SGCD: variants seen among roughly 807,000 people sequenced by gnomAD.
The protein encoded by SGCD is delta-sarcoglycan.
In SGCD, 18 loss-of-function variants were observed where a neutral mutation model predicts 36.6. The ratio of observed to expected loss-of-function variants is 0.49; its 90% CI spans 0.34 to 0.73. The LOEUF (loss-of-function observed/expected upper bound fraction) is 0.73, where lower values mean the gene tolerates loss of function less well. SGCD is among the 30% of genes least tolerant of loss of function. The pLI is 0.01. For missense variants in SGCD, 387 were observed against 346.7 expected, an observed-to-expected ratio of 1.12 and a Z score of -0.92; for synonymous variants, 133 against 130.6, an observed-to-expected ratio of 1.02 and a Z score of -0.12.
the SGCD span, among the ~76,000 whole-genome samples, chr5:155,825,749 T>TTG: frequency 6.6e-6 from 1 of 151,604 alleles, no homozygotes; most frequent in Non-Finnish European, 1.5e-5. Flanking sequence ...TTTGTTGTTG[T>TTG]TGTTGTTGTT....
intron 3 of SGCD, among the ~76,000 whole-genome samples, chr5:156,398,492 A>G (rs1771977909): frequency 6.6e-6 from 1 of 152,164 alleles, no homozygotes. Context: ...ATCCTAGAAA[A>G]CAAACTTCTT....
intron 1 of SGCD, among the ~76,000 whole-genome samples, chr5:155,937,980 G>A (rs552029518): frequency 3.9e-5 from 6 of 152,168 alleles, no homozygotes; most frequent in South Asian, 2.1e-4. Context: ...ATTTGAACCC[G>A]GCTTTGAAAG....
intron 3 of SGCD, among the ~76,000 whole-genome samples, chr5:156,357,281 G>A (rs1769540841): frequency 6.6e-6 from 1 of 152,192 alleles, no homozygotes; most frequent in Non-Finnish European, 1.5e-5. Flanking sequence ...AGAAACTGAA[G>A]CATAGAAGGC....
Position 156,525,354 on chromosome 5 carries a change from G to A in SGCD, c.294+16652G>A, listed in dbSNP as rs117739503. The stretch of plus-strand genomic sequence containing the variant: ...CTGAACACCTTTTCATATACCTGTT[G>A]GTCAGTTGTATGTCTTCTTTGGAAA... On this transcript the variant is annotated intron_variant, in intron 4 of 8. Coordinates refer to ENST00000337851, the MANE Select transcript of SGCD (RefSeq NM_000337.6). Among the ~76,000 whole-genome samples the A allele has an allele frequency of 2.6e-5, 4 of 152,098 alleles. No homozygotes were observed. In the South Asian group the frequency reaches 8.3e-4, roughly 32 times the overall value.
chr5:155,739,042 A>T, the SGCD span, among the ~76,000 whole-genome samples: 11 of 152,306 alleles, frequency 7.2e-5, no homozygotes, highest in Non-Finnish European at 1.5e-4. Context: ...TCATTTATGC[A>T]TGTTTTCAAG....
chr5:155,956,109 G>GTT lies in SGCD; in HGVS notation c.-282+85700_-282+85701dup, dbSNP rs751766262. On this transcript the variant is annotated intron_variant, in intron 1 of 9. Coordinates refer to the SGCD transcript ENST00000517913. The stretch of plus-strand genomic sequence containing the variant: ...CTGAAATTGCTTTCTTGCTCTTCTT[G>GTT]TTTTTTTTTTTTTTTTCCCACCTCT... Among the ~76,000 whole-genome samples, 147 of 116,706 alleles carry GTT rather than the reference G, an allele frequency of 1.3e-3. 1 individual carries two copies. Among genetic ancestry groups the GTT allele is most frequent in the Middle Eastern group, 4.7e-3 (1 of 214 alleles). The allele number at this position is 116,706 out of a possible 152,430, so 76.6% of individuals were successfully genotyped here.
intron 1 of SGCD, among the ~76,000 whole-genome samples, chr5:155,878,429 A>T (rs773537029): frequency 1.3e-5 from 2 of 151,476 alleles, no homozygotes; most frequent in African/African-American, 4.8e-5. Context: ...AAATGGGGAC[A>T]TCCAGTTTTT....
the SGCD span, among the ~76,000 whole-genome samples, chr5:155,742,701 C>G: frequency 6.6e-6 from 1 of 152,142 alleles, no homozygotes; most frequent in Non-Finnish European, 1.5e-5. Context: ...GATGGGTGTC[C>G]TATAATTCAG....
intron 7 of SGCD, among the ~76,000 whole-genome samples, chr5:156,676,228 A>G (rs1375402773): frequency 1.3e-5 from 2 of 152,154 alleles, no homozygotes; most frequent in African/African-American, 4.8e-5. Context: ...CCTATTTTTC[A>G]TGTGGCTTGG....
chr5:156,530,036 C>T (rs1256605688), intron 4 of SGCD, among the ~76,000 whole-genome samples: 1 of 152,168 alleles, frequency 6.6e-6, no homozygotes, highest in African/African-American at 2.4e-5. Context: ...TGACACAAAC[C>T]ACCATGTTGA....
intron 4 of SGCD, among the ~76,000 whole-genome samples, chr5:156,512,985 G>A (rs1242456343): frequency 3.9e-5 from 6 of 151,902 alleles, no homozygotes; most frequent in Non-Finnish European, 8.8e-5. Context: ...GATATTAGAA[G>A]TGGTCCAGTT....
the SGCD span, among the ~76,000 whole-genome samples, chr5:155,826,807 C>T: frequency 2.0e-5 from 3 of 152,184 alleles, no homozygotes; most frequent in East Asian, 5.8e-4. Flanking sequence ...GTTCAGAAGG[C>T]ACTCAAGAAT....
At chr5:155,854,150 G>T in the SGCD span, among the ~76,000 whole-genome samples, 3 of 152,118 alleles carry the variant, frequency 2.0e-5, no homozygotes, top group African/African-American at 7.2e-5. Context: ...ATTAGGATTC[G>T]TTAATCAAGG....
chr5:155,875,659 T>C (rs1047216660), intron 1 of SGCD, among the ~76,000 whole-genome samples: 79 of 151,808 alleles, frequency 5.2e-4, no homozygotes, highest in Middle Eastern at 3.4e-3. Context: ...TTTTTTTTTT[T>C]AGTTGTTATG....
chr5:156,759,299 T>A lies in SGCD; in HGVS notation c.782T>A (p.Phe261Tyr). 6.2e-7 allele frequency: 1 copy of A among 1,613,698 alleles called. No homozygotes were observed. Among genetic ancestry groups the A allele is most frequent in the Non-Finnish European group, 8.5e-7 (1 of 1,179,620 alleles). ...CCTACAGGAACGAGGCAGAAGGTCT[T>A]CGAGATCTGCGTCTGCGCCAATGGG... ...YTPTGTRQKV[F>Y]EICVCANGRL... The change falls in exon 9 of 9, where the codon TTC (phenylalanine) becomes TAC (tyrosine). Residue 261 changes from phenylalanine (F) to tyrosine (Y), a missense_variant. Transcript: ENST00000337851.
At chr5:156,474,491 A>T (rs985196285) in intron 3 of SGCD, among the ~76,000 whole-genome samples, 1 of 152,170 alleles carries the variant, frequency 6.6e-6, no homozygotes, top group Non-Finnish European at 1.5e-5. Flanking sequence ...TTCTTTGACA[A>T]AGCATCTGCC....
intron 1 of SGCD, among the ~76,000 whole-genome samples, chr5:156,110,095 T>C (rs1343763895): frequency 1.3e-5 from 2 of 152,194 alleles, no homozygotes; most frequent in Non-Finnish European, 2.9e-5. Context: ...TGACTTCTTT[T>C]AAGGTGTGAG....
chr5:156,642,561 C>T (rs186608032), intron 6 of SGCD, among the ~76,000 whole-genome samples: 2 of 150,970 alleles, frequency 1.3e-5, no homozygotes, highest in African/African-American at 4.9e-5. Flanking sequence ...TTCCAACTCC[C>T]GGGTTCAAGC....
intron 3 of SGCD, among the ~76,000 whole-genome samples, chr5:156,396,036 G>T (rs972187873): frequency 5.9e-5 from 9 of 152,126 alleles, no homozygotes; most frequent in African/African-American, 1.7e-4. Flanking sequence ...TCTTCACTTA[G>T]AATTTTGAAA....
Sources: allele counts gnomAD v4.1 joint callset (sites outside exome capture counted in the v4.1 genomes callset), GRCh38; gene constraint gnomAD v4.1.1; transcripts MANE v1.5; gene names NCBI Gene and HGNC (gene_info 2026-07-23, HGNC 2026-07-21).